DNASE1: variants seen among roughly 807,000 people sequenced by gnomAD.
DNASE1 encodes deoxyribonuclease-1.
A neutral mutation model predicts 33.9 loss-of-function variants in DNASE1; 40 were observed. The ratio of observed to expected loss-of-function variants is 1.18; its 90% CI spans 0.92 to 1.54. DNASE1 has a LOEUF of 1.54. Among genes scored for constraint, DNASE1 ranks in the 40% most tolerant of loss-of-function variants. DNASE1 has a pLI of 0.00. For synonymous variants in DNASE1, 216 were observed against 160.0 expected (o/e 1.35, Z -2.64); for missense variants, 518 against 372.6 (o/e 1.39, Z -3.21).
At position 3,657,033 on chromosome 16, in the gene DNASE1, G is replaced by A. The variant is rs775674591; in HGVS notation, c.471G>A (p.Ala157=). ...AGTTTGCCATTGTTCCCCTGCATGC[G>A]GCCCCGGGGGACGCAGTAGCCGAGA... The part of the protein sequence containing the change: ...VREFAIVPLH[A]APGDAVAEID... Residue 157 remains alanine (A), a synonymous_variant, in exon 6 of 9, where the codon GCG becomes GCA. Transcript: ENST00000246949. 14 of 1,613,536 alleles carry A rather than the reference G, an allele frequency of 8.7e-6. No individual in the cohort carries two copies. The highest frequency in any genetic ancestry group is 3.3e-5 in the South Asian group (3 of 91,082).
chr16:3,658,785 G>T (rs569161134), downstream of DNASE1: 2 of 1,613,186 alleles, frequency 1.2e-6, no homozygotes, highest in South Asian at 2.2e-5. Flanking sequence ...CTAAGCTGCT[G>T]CACTCACCTG....
chr16:3,664,712 C>A, exon 10 of DNASE1: 1 of 461,742 alleles, frequency 2.2e-6, no homozygotes, highest in East Asian at 4.3e-5. Context: ...CAGGGAGCTA[C>A]GCGCACCACG....
chr16:3,646,435 A>C (rs2042174169), intron 1 of DNASE1, among the ~76,000 whole-genome samples: 1 of 152,140 alleles, frequency 6.6e-6, no homozygotes, highest in Admixed American at 6.5e-5. Flanking sequence ...TGCCTGAGTA[A>C]ACACACCAGA....
intron 1 of DNASE1, among the ~76,000 whole-genome samples, chr16:3,649,113 T>C (rs1490596062): frequency 6.6e-6 from 1 of 152,238 alleles, no homozygotes; most frequent in Non-Finnish European, 1.5e-5. Context: ...GCAAGAACTC[T>C]CCTAAGTGCT....
At chr16:3,642,162 C>T (rs987597649), upstream of DNASE1, among the ~76,000 whole-genome samples, 1 of 152,180 alleles carries the variant, frequency 6.6e-6, no homozygotes, top group African/African-American at 2.4e-5. Context: ...GGATCTGTTG[C>T]CCAACAGCTC....
upstream of DNASE1, chr16:3,640,698 C>A: frequency 2.5e-6 from 1 of 398,576 alleles, no homozygotes; most frequent in South Asian, 1.3e-4. Flanking sequence ...GTAACACTCC[C>A]CTTTTCCTTC....
downstream of DNASE1, chr16:3,658,810 G>A (rs369964044): frequency 5.3e-5 from 86 of 1,613,854 alleles, no homozygotes; most frequent in African/African-American, 7.6e-4. Flanking sequence ...ACCAGCAGCT[G>A]AGCCAGGCCA....
chr16:3,637,192 C>T (rs2041894862), intron 1 of DNASE1, among the ~76,000 whole-genome samples: 1 of 152,046 alleles, frequency 6.6e-6, no homozygotes, highest in African/African-American at 2.4e-5. Context: ...TTTAGTTTAT[C>T]TGGCTAGGCG....
At chr16:3,653,499 C>G (rs1433266040), upstream of DNASE1, 1 of 151,918 alleles carries the variant, frequency 6.6e-6, no homozygotes, top group Non-Finnish European at 1.5e-5. Context: ...ACTTGGAGAC[C>G]TTGTGTCTGT....
rs139424576 is a variant in DNASE1 at position 3,657,061 on chromosome 16, G to T, written c.499G>T (p.Asp167Tyr). The T allele has an allele frequency of 3.1e-6, 5 of 1,613,712 alleles. No individual in the cohort carries two copies. In the Admixed American group the frequency reaches 6.7e-5, roughly 22 times the overall value. Residue 167 changes from aspartate (D) to tyrosine (Y), a missense_variant, in exon 6 of 9, where the codon GAC (aspartate) becomes TAC (tyrosine). Asp to Tyr is a radical substitution (Grantham distance 160). Coordinates refer to ENST00000246949, the MANE Select transcript of DNASE1 (RefSeq NM_005223.4). Reference protein sequence around the residue: ...AAPGDAVAEIDALYDVYLDVQ... With the variant: ...AAPGDAVAEIYALYDVYLDVQ... ...CCCGGGGGACGCAGTAGCCGAGATC[G>T]ACGCTCTCTATGACGTCTACCTGGA...
chr16:3,612,240 A>T (rs1380907836), intron 1 of DNASE1, among the ~76,000 whole-genome samples: 1 of 152,082 alleles, frequency 6.6e-6, no homozygotes, highest in African/African-American at 2.4e-5. Context: ...GTCGGGAGCC[A>T]TTGAAGGTTT....
In DNASE1 at chr16:3,621,583, C is replaced by T. The variant is rs1341661998; in HGVS notation, c.-1359+9577C>T. Among the ~76,000 whole-genome samples, 9 of 152,230 alleles carry T rather than the reference C, an allele frequency of 5.9e-5. No homozygotes were observed. In the South Asian group the frequency reaches 8.3e-4, roughly 14 times the overall value. On this transcript the variant is annotated intron_variant and NMD_transcript_variant, in intron 1 of 11. Coordinates refer to the DNASE1 transcript ENST00000570769. Reference sequence around the variant, plus strand: ...CCTGCTTTTCCCCAATGTAAATAAACGGTAGCACATTTTACCCATTGTTCT... The same window carrying T: ...CCTGCTTTTCCCCAATGTAAATAAATGGTAGCACATTTTACCCATTGTTCT...
intron 1 of DNASE1, among the ~76,000 whole-genome samples, chr16:3,619,762 T>C (rs1215956558): frequency 6.6e-6 from 1 of 151,504 alleles, no homozygotes; most frequent in African/African-American, 2.4e-5. Context: ...TCTCCTGCCT[T>C]GGCCTCCCAA....
At chr16:3,659,177 G>C (rs2042917745), downstream of DNASE1, 4 of 280,334 alleles carry the variant, frequency 1.4e-5, no homozygotes, top group Admixed American at 5.2e-5. Flanking sequence ...AAAGAGAAGG[G>C]AGTAAGACCC....
intron 1 of DNASE1, among the ~76,000 whole-genome samples, chr16:3,646,082 G>C (rs1449132462): frequency 6.6e-6 from 1 of 152,200 alleles, no homozygotes; most frequent in African/African-American, 2.4e-5. Context: ...AGGGCAGATA[G>C]GTCTTGTAGG....
chr16:3,657,275 C>A lies in DNASE1; in HGVS notation c.638C>A (p.Thr213Asn). 1 of 1,614,048 alleles carries A rather than the reference C, an allele frequency of 6.2e-7. No homozygotes were observed. Among genetic ancestry groups the A allele is most frequent in the Non-Finnish European group, 8.5e-7 (1 of 1,180,022 alleles). Residue 213 changes from threonine (T) to asparagine (N), a missense_variant, in exon 7 of 9, where the codon ACC (threonine) becomes AAC (asparagine). Coordinates refer to ENST00000246949, the MANE Select transcript of DNASE1 (RefSeq NM_005223.4). Reference protein sequence around the residue: ...WSSIRLWTSPTFQWLIPDSAD... With the variant: ...WSSIRLWTSPNFQWLIPDSAD... ...TCCATCCGCCTGTGGACAAGCCCCA[C>A]CTTCCAGTGGCTGATCCCCGACAGC...
intron 4 of DNASE1, 63 bp from the exon 5 acceptor site, chr16:3,656,574 TG>T: frequency 7.0e-7 from 1 of 1,430,666 alleles, no homozygotes; most frequent in Non-Finnish European, 9.7e-7. Context: ...GCCTGCCTCC[TG>T]GGAAGCAGGA....
chr16:3,664,319 T>A, exon 10 of DNASE1: 1 of 1,612,020 alleles, frequency 6.2e-7, no homozygotes, highest in Non-Finnish European at 8.5e-7. Flanking sequence ...GTGAGTGCTC[T>A]GCCAGGTGAC....
intron 1 of DNASE1, among the ~76,000 whole-genome samples, chr16:3,620,448 C>G (rs561316340): frequency 8.6e-4 from 130 of 150,674 alleles, no homozygotes; most frequent in African/African-American, 2.3e-3. Context: ...CTCACTGTAA[C>G]TTCGAGGCTG....
Sources: gnomAD v4.1 joint callset for allele counts (sites outside exome capture counted in the v4.1 genomes callset) on GRCh38, gnomAD v4.1.1 for gene constraint, MANE v1.5 for transcripts, NCBI Gene and HGNC (gene_info 2026-07-23, HGNC 2026-07-21) for gene names.